Variants in TMEM8B observed in about 807,000 individuals in gnomAD.
TMEM8B encodes transmembrane protein 8B, also known as nasopharyngeal carcinoma expressed 6.
In TMEM8B, 29 loss-of-function variants were observed where a neutral mutation model predicts 49.3. That is an observed-to-expected ratio of 0.59 (90% confidence interval 0.44 to 0.80). The LOEUF is 0.80. TMEM8B is among the 30% of genes least tolerant of loss of function. TMEM8B has a pLI of 0.00. For missense variants in TMEM8B, 575 were observed against 658.5 expected (o/e 0.87, Z 1.39); for synonymous variants, 264 against 272.8 (o/e 0.97, Z 0.32).
chr9:35,834,179 A>G (rs924037952), intron 1 of TMEM8B, among the ~76,000 whole-genome samples: 1 of 152,160 alleles, frequency 6.6e-6, no homozygotes, highest in Non-Finnish European at 1.5e-5. Context: ...AGAGAGAGCT[A>G]GGTTTGCATC....
intron 10 of TMEM8B, among the ~76,000 whole-genome samples, chr9:35,848,354 T>A (rs1246396810): frequency 6.6e-6 from 1 of 152,218 alleles, no homozygotes; most frequent in African/African-American, 2.4e-5. Flanking sequence ...ATGCCCTTTC[T>A]ACTGTGGCTC....
intron 6 of TMEM8B, among the ~76,000 whole-genome samples, chr9:35,843,345 TC>T (rs1197886604): frequency 1.3e-5 from 2 of 152,188 alleles, no homozygotes; most frequent in Non-Finnish European, 2.9e-5. Context: ...ATTTATTACA[TC>T]CCAGTCCTAT....
Position 35,854,086 on chromosome 9 carries a change from C to T in TMEM8B, c.*246C>T, listed in dbSNP as rs1023630348. 9.1e-6 allele frequency: 11 copies of T among 1,207,908 alleles called. No homozygotes were observed. In the East Asian group the frequency reaches 2.8e-4, roughly 31 times the overall value. 74.8% of individuals were successfully genotyped at this position (1,207,908 alleles called of 1,614,324 possible). A position where few individuals can be genotyped will look rare whatever the true frequency, so the allele number is the denominator to read the frequency against. On this transcript the variant is annotated 3_prime_UTR_variant, in exon 13 of 13. Transcript: ENST00000643932. Reference sequence around the variant, plus strand: ...TGGAGCCTATGCAGGCACAGAGTCCCTCAGGACCAAGGAGTCCCTCCTGCA... The same window carrying T: ...TGGAGCCTATGCAGGCACAGAGTCCTTCAGGACCAAGGAGTCCCTCCTGCA...
chr9:35,833,114 A>G (rs1159623052), intron 1 of TMEM8B, among the ~76,000 whole-genome samples: 2 of 152,124 alleles, frequency 1.3e-5, no homozygotes, highest in East Asian at 3.9e-4. Context: ...GCTCTGGTTC[A>G]GTGTTCGTCC....
At chr9:35,852,759 C>T (rs755713246) in intron 10 of TMEM8B, 68 bp from the exon 11 acceptor site, 3 of 1,595,984 alleles carry the variant, frequency 1.9e-6, no homozygotes, top group Non-Finnish European at 2.6e-6. Context: ...CCTGGGCCCA[C>T]CCCTCCGGTT....
rs1832677206 is a variant in TMEM8B, at chr9:35,863,040, G to C, written c.*9200G>C. ...ATGGTGGTTTGCACCTGTGGTCACA[G>C]CTACTCAGAAGGCTGAGGTGGGAGG... On this transcript the variant is annotated 3_prime_UTR_variant, in exon 13 of 13. Transcript: ENST00000643932. 6.6e-6 allele frequency: 1 copy of C among 152,266 alleles called. No homozygotes were observed. Among genetic ancestry groups the C allele is most frequent in the Admixed American group, 6.5e-5 (1 of 15,282 alleles). 9.4% of individuals were successfully genotyped at this position (152,266 alleles called of 1,614,324 possible).
rs569077522 is a variant in TMEM8B at position 35,835,200 on chromosome 9, C to T, written c.888C>T (p.His296=). 2.4e-5 allele frequency: 10 copies of T among 415,790 alleles called. No homozygotes were observed. The highest frequency in any genetic ancestry group is 3.1e-4 in the Middle Eastern group (1 of 3,222). The allele number at this position is 415,790 out of a possible 1,614,324, so 25.8% of individuals were successfully genotyped here. The change falls in exon 3 of 13, where the codon CAC becomes CAT. Residue 296 remains histidine, a synonymous_variant. Transcript: ENST00000643932. ...TGGCTGCCCACCTTCCCCAGGCCCACGGCCACATCTCTGTCAAGGTGGGTT... is the reference window on the plus strand; with the variant it reads ...TGGCTGCCCACCTTCCCCAGGCCCATGGCCACATCTCTGTCAAGGTGGGTT... ...WFLAAHLPQA[H]GHISVKGLQD... is the part of the protein sequence containing the mutation.
chr9:35,851,241 C>G (rs556327718), intron 10 of TMEM8B, among the ~76,000 whole-genome samples: 1 of 151,882 alleles, frequency 6.6e-6, no homozygotes, highest in Admixed American at 6.6e-5. Flanking sequence ...TTCTGCCCCC[C>G]ACCCCCGCCA....
intron 1 of TMEM8B, among the ~76,000 whole-genome samples, chr9:35,831,045 G>C (rs565628142): frequency 6.6e-6 from 1 of 152,176 alleles, no homozygotes; most frequent in Non-Finnish European, 1.5e-5. Context: ...CAGAACAGCT[G>C]GGGGGTGGAG....
At chr9:35,838,475 C>G (rs945322032) in intron 3 of TMEM8B, among the ~76,000 whole-genome samples, 1 of 151,890 alleles carries the variant, frequency 6.6e-6, no homozygotes, top group African/African-American at 2.4e-5. Flanking sequence ...TCGAACAATT[C>G]CTTTTTCACT....
Position 35,852,772 on chromosome 9 carries a change from G to A in TMEM8B, c.2176-55G>A, listed in dbSNP as rs556618737. 78 of 1,609,356 alleles carry A rather than the reference G, an allele frequency of 4.8e-5. No homozygotes were observed. In the African/African-American group the frequency reaches 9.9e-4, roughly 20 times the overall value. Reference sequence around the variant, plus strand: ...CCCCTGGGCCCACCCCTCCGGTTTTGTAGATCTGGACCTCTGCCTCAAGTT... The same window carrying A: ...CCCCTGGGCCCACCCCTCCGGTTTTATAGATCTGGACCTCTGCCTCAAGTT... On this transcript the variant is annotated intron_variant, in intron 10 of 12. Transcript: ENST00000643932.
Position 35,846,379 on chromosome 9 carries a change from T to A in TMEM8B, c.1851T>A (p.Pro617=). ...LALRSLCGVG[P]RFVRCRNATA... Reference sequence around the variant, plus strand: ...TCCGCTCCCTGTGCGGGGTGGGGCCTCGGTGAGCGGTGCGGGGCGGGGCCA... The same window carrying A: ...TCCGCTCCCTGTGCGGGGTGGGGCCACGGTGAGCGGTGCGGGGCGGGGCCA... The change falls in exon 8 of 13, where the codon CCT becomes CCA. Residue 617 remains proline, a splice_region_variant and synonymous_variant. Coordinates refer to ENST00000643932, the MANE Select transcript of TMEM8B (RefSeq NM_001042590.4). 1 of 1,612,388 alleles carries A rather than the reference T, an allele frequency of 6.2e-7. No homozygotes were observed. The highest frequency in any genetic ancestry group is 8.5e-7 in the Non-Finnish European group (1 of 1,179,452).
chr9:35,846,415 C>G (rs371731130), intron 8 of TMEM8B, 34 bp downstream of exon 8: 4 of 1,600,740 alleles, frequency 2.5e-6, no homozygotes, highest in Non-Finnish European at 3.4e-6. Context: ...GGGCTGGGAC[C>G]GGGACTTGGC....
chr9:35,835,649 T>G (rs952240985), intron 3 of TMEM8B, among the ~76,000 whole-genome samples: 6 of 152,242 alleles, frequency 3.9e-5, no homozygotes, highest in African/African-American at 1.2e-4. Flanking sequence ...CACGGCCCAG[T>G]ATTTAGTCCA....
rs1832369410 is a variant in TMEM8B, at chr9:35,853,708, C to T, written c.2643C>T (p.Ala881=). ...TGGGCTTCCTGCTGCCCCCTCGTGC[C>T]AAGACTGACCACGGGGTCCCATCTG... ...GSVGFLLPPR[A]KTDHGVPSGA... is the part of the protein sequence containing the mutation. Residue 881 remains alanine, a synonymous_variant, in exon 13 of 13, where the codon GCC becomes GCT. Transcript: ENST00000643932. The surrounding 1 kb of genome is among the most constrained non-coding windows in gnomAD (Gnocchi z 4.2). The T allele has an allele frequency of 1.9e-6, 3 of 1,614,138 alleles. No homozygotes were observed. In the African/African-American group the frequency reaches 4.0e-5, roughly 22 times the overall value.
Position 35,860,945 on chromosome 9 carries a change from G to A in TMEM8B, c.*7105G>A, listed in dbSNP as rs11791889. On this transcript the variant is annotated 3_prime_UTR_variant, in exon 13 of 13. Coordinates refer to ENST00000643932, the MANE Select transcript of TMEM8B (RefSeq NM_001042590.4). ...TGCAGAGCTGCTCTCACTTCTCCTC[G>A]GGAAAGGCCAGCGTCAGGTATTCCT... 0.34 allele frequency: 51,263 copies of A among 152,144 alleles called. 9,129 individuals are homozygous for A. The highest frequency in any genetic ancestry group is 0.5 in the Middle Eastern group (146 of 294). 9.4% of individuals were successfully genotyped at this position (152,144 alleles called of 1,614,324 possible). A position where few individuals can be genotyped will look rare whatever the true frequency, so the allele number is the denominator to read the frequency against.
chr9:35,846,400 G>A lies in TMEM8B; in HGVS notation c.1853+19G>A. 1 of 1,606,748 alleles carries A rather than the reference G, an allele frequency of 6.2e-7. No homozygotes were observed. Among genetic ancestry groups the A allele is most frequent in the East Asian group, 2.2e-5 (1 of 44,678 alleles). ...GGCCTCGGTGAGCGGTGCGGGGCGG[G>A]GCCAGGGCTGGGACCGGGACTTGGC... On this transcript the variant is annotated intron_variant, in intron 8 of 12. Transcript: ENST00000643932.
At position 35,853,363 on chromosome 9, in the gene TMEM8B, C is replaced by A; in HGVS notation, c.2439+106C>A. On this transcript the variant is annotated intron_variant, in intron 12 of 12. Coordinates refer to ENST00000643932, the MANE Select transcript of TMEM8B (RefSeq NM_001042590.4). This position sits in a 1 kb window ranked among gnomAD's most constrained non-coding sequence, Gnocchi z 4.2. ...GGTGGGCTTGGCTCTGTCGTCATCA[C>A]CTGCTGCTGGCAGTGTCCGCTCCAG... The A allele has an allele frequency of 1.4e-6, 2 of 1,445,728 alleles. No homozygotes were observed. Among genetic ancestry groups the A allele is most frequent in the Non-Finnish European group, 9.5e-7 (1 of 1,052,000 alleles). The allele number at this position is 1,445,728 out of a possible 1,614,324, so 89.6% of individuals were successfully genotyped here.
chr9:35,845,934 G>T, intron 6 of TMEM8B, 41 bp from the exon 7 acceptor site: 1 of 1,610,242 alleles, frequency 6.2e-7, no homozygotes, highest in Non-Finnish European at 8.5e-7. Flanking sequence ...GGGTGGAGAT[G>T]GAGGATGTGG....
Sources: allele counts gnomAD v4.1 joint callset (sites outside exome capture counted in the v4.1 genomes callset), GRCh38; gene constraint gnomAD v4.1.1; non-coding constraint Gnocchi (gnomAD v3.1); transcripts MANE v1.5; gene names NCBI Gene and HGNC (gene_info 2026-07-23, HGNC 2026-07-21).